PRKAR2A: variants seen among roughly 807,000 people sequenced by gnomAD.
The protein encoded by PRKAR2A is cAMP-dependent protein kinase type II-alpha regulatory subunit.
Under a neutral mutation model 51.9 loss-of-function variants are expected in PRKAR2A, and 29 were observed. That is an observed-to-expected ratio of 0.56 (90% CI 0.42 to 0.76). The LOEUF is 0.76. Among genes scored for constraint, PRKAR2A ranks in the 30% least tolerant of loss-of-function variants. The pLI is 0.00. For synonymous variants in PRKAR2A, 178 were observed against 186.2 expected (o/e 0.96, Z 0.36); for missense variants, 445 against 512.1 (o/e 0.87, Z 1.26).
chr3:48,803,894 G>GTGGAGAGT (rs1235915585), intron 2 of PRKAR2A, among the ~76,000 whole-genome samples: 2 of 152,128 alleles, frequency 1.3e-5, no homozygotes, highest in Admixed American at 1.3e-4. Context: ...AACTCAAGAG[G>GTGGAGAGT]TGGAGGTTGC....
At chr3:48,823,255 A>G (rs1203199388) in intron 1 of PRKAR2A, among the ~76,000 whole-genome samples, 1 of 152,036 alleles carries the variant, frequency 6.6e-6, no homozygotes, top group Non-Finnish European at 1.5e-5. Flanking sequence ...TCTAAAGATA[A>G]GAACTCAAGA....
At chr3:48,757,272 T>A (rs950502895) in intron 8 of PRKAR2A, among the ~76,000 whole-genome samples, 1 of 152,174 alleles carries the variant, frequency 6.6e-6, no homozygotes, top group Non-Finnish European at 1.5e-5. Flanking sequence ...GATAGGTGTA[T>A]AACATCCACC....
intron 9 of PRKAR2A, among the ~76,000 whole-genome samples, chr3:48,753,433 T>G (rs1425304037): frequency 6.6e-6 from 1 of 152,140 alleles, no homozygotes; most frequent in East Asian, 1.9e-4. Context: ...CCTTTTTGGT[T>G]AATTTTTAAA....
chr3:48,786,118 G>GT lies in PRKAR2A; in HGVS notation c.436-3027dup, dbSNP rs764615947. 4.3e-3 allele frequency among the ~76,000 whole-genome samples: 634 copies of GT among 146,074 alleles called. 4 individuals carry two copies. Among genetic ancestry groups the GT allele is most frequent in the African/African-American group, 0.014 (568 of 39,902 alleles). On this transcript the variant is annotated intron_variant, in intron 4 of 10. Transcript: ENST00000265563. Reference sequence around the variant, plus strand: ...ATGAAAAATATCTGGCAGTTTTTTGGTTTTTTTTTGTTTTTTTTTTTTTTG... The same window carrying GT: ...ATGAAAAATATCTGGCAGTTTTTTGGTTTTTTTTTTGTTTTTTTTTTTTTTG...
At chr3:48,764,916 C>T (rs968099042) in intron 8 of PRKAR2A, 88 bp downstream of exon 8, 14 of 1,210,892 alleles carry the variant, frequency 1.2e-5, no homozygotes, top group Admixed American at 7.9e-5. Flanking sequence ...TGAGCCACTG[C>T]GTCCGGCAAG....
chr3:48,813,446 A>G (rs1225665322), intron 1 of PRKAR2A, among the ~76,000 whole-genome samples: 1 of 152,146 alleles, frequency 6.6e-6, no homozygotes, highest in Non-Finnish European at 1.5e-5. Context: ...CTGTAATCCC[A>G]GCATTTTGGG....
chr3:48,783,934 A>G (rs915658707), intron 4 of PRKAR2A, among the ~76,000 whole-genome samples: 6 of 152,136 alleles, frequency 3.9e-5, no homozygotes, highest in Admixed American at 1.3e-4. Context: ...CAGGTCATCA[A>G]TTTTTATGAC....
At chr3:48,833,222 A>T (rs2083224100) in intron 1 of PRKAR2A, among the ~76,000 whole-genome samples, 1 of 152,076 alleles carries the variant, frequency 6.6e-6, no homozygotes, top group African/African-American at 2.4e-5. Context: ...ATTTTTTGAA[A>T]AGATGGGGGG....
intron 2 of PRKAR2A, among the ~76,000 whole-genome samples, chr3:48,801,361 C>T (rs1307552164): frequency 6.6e-6 from 1 of 152,120 alleles, no homozygotes; most frequent in Non-Finnish European, 1.5e-5. Context: ...CCATGTTGGC[C>T]AGGCTGGTCT....
At chr3:48,803,500 CT>C in intron 2 of PRKAR2A, among the ~76,000 whole-genome samples, 1 of 152,214 alleles carries the variant, frequency 6.6e-6, no homozygotes, top group Admixed American at 6.5e-5. Flanking sequence ...GCTCAGCTCA[CT>C]GTAACCTCCG....
intron 1 of PRKAR2A, among the ~76,000 whole-genome samples, chr3:48,813,554 C>T (rs749909358): frequency 6.6e-6 from 1 of 151,986 alleles, no homozygotes; most frequent in South Asian, 2.1e-4. Flanking sequence ...ATTAGCCAGG[C>T]GTGGTGGCAC....
intron 2 of PRKAR2A, among the ~76,000 whole-genome samples, chr3:48,802,698 G>GAC (rs2082609732): frequency 6.6e-6 from 1 of 152,102 alleles, no homozygotes; most frequent in African/African-American, 2.4e-5. Context: ...GCCAGACTCA[G>GAC]TCTCAGAATA....
At chr3:48,765,469 T>G (rs1258722273) in intron 6 of PRKAR2A, 120 bp from the exon 7 acceptor site, 1 of 690,070 alleles carries the variant, frequency 1.4e-6, no homozygotes, top group Admixed American at 3.1e-5. Context: ...ATTAAGTGTT[T>G]AATGATACTT....
chr3:48,836,639 C>T (rs930126462), intron 1 of PRKAR2A, among the ~76,000 whole-genome samples: 5 of 151,312 alleles, frequency 3.3e-5, no homozygotes, highest in African/African-American at 4.9e-5. Context: ...AAGACACATC[C>T]GATTTCATCA....
intron 5 of PRKAR2A, among the ~76,000 whole-genome samples, chr3:48,781,129 CCTGG>C (rs952782787): frequency 6.7e-6 from 1 of 150,368 alleles, no homozygotes; most frequent in Non-Finnish European, 1.5e-5. Context: ...CACCACCATG[CCTGG>C]CTAATTTTTT....
intron 6 of PRKAR2A, among the ~76,000 whole-genome samples, chr3:48,766,311 T>TA (rs1202105753): frequency 6.6e-6 from 1 of 152,126 alleles, no homozygotes; most frequent in Non-Finnish European, 1.5e-5. Context: ...CTCACACCTG[T>TA]AATCCCAGCA....
intron 5 of PRKAR2A, among the ~76,000 whole-genome samples, chr3:48,778,977 C>T (rs536283760): frequency 6.6e-6 from 1 of 152,134 alleles, no homozygotes; most frequent in East Asian, 1.9e-4. Context: ...AGGCGCCCAC[C>T]ACCATGTCCA....
At chr3:48,829,593 TACACACAC>T (rs200822114) in intron 1 of PRKAR2A, among the ~76,000 whole-genome samples, 1 of 53,770 alleles carries the variant, frequency 1.9e-5, no homozygotes, top group Non-Finnish European at 3.1e-5. Context: ...TGTGTATATA[TACACACAC>T]ATAAATGTGT....
intron 1 of PRKAR2A, among the ~76,000 whole-genome samples, chr3:48,838,081 G>A (rs535977328): frequency 2.0e-5 from 3 of 152,298 alleles, no homozygotes; most frequent in African/African-American, 7.2e-5. Context: ...GGGAGGCTGA[G>A]GCAGGAGAAT....
Sources: gnomAD v4.1 joint callset for allele counts (sites outside exome capture counted in the v4.1 genomes callset) on GRCh38, gnomAD v4.1.1 for gene constraint, MANE v1.5 for transcripts, NCBI Gene and HGNC (gene_info 2026-07-23, HGNC 2026-07-21) for gene names.